Variants in GPHN observed in about 807,000 individuals in gnomAD.
The protein encoded by GPHN is gephyrin.
Under a neutral mutation model 95.5 loss-of-function variants are expected in GPHN, and 17 were observed. The observed-to-expected ratio is 0.18, with a 90% CI of 0.12 to 0.27. The LOEUF (loss-of-function observed/expected upper bound fraction) is 0.27, where lower values mean the gene tolerates loss of function less well. Among genes scored for constraint, GPHN ranks in the 10% least tolerant of loss-of-function variants. The probability of loss-of-function intolerance (pLI) is 1.00; values close to 1 mark genes in which losing one functional copy is unlikely to be tolerated. For synonymous variants in GPHN, 320 were observed against 322.5 expected, an observed-to-expected ratio of 0.99 and a Z score of 0.08; for missense variants, 660 against 978.1, an observed-to-expected ratio of 0.67 and a Z score of 4.34.
chr14:66,744,530 A>G (rs954048671), intron 2 of GPHN, among the ~76,000 whole-genome samples: 1 of 152,220 alleles, frequency 6.6e-6, no homozygotes. Context: ...TAGAGTAAAC[A>G]GTGAATTATC....
intron 4 of GPHN, among the ~76,000 whole-genome samples, chr14:66,825,115 A>G (rs1277332051): frequency 1.3e-5 from 2 of 152,186 alleles, no homozygotes; most frequent in Non-Finnish European, 2.9e-5. Context: ...AGCATCTTCA[A>G]CTATTTTATA....
At chr14:67,692,589 A>C in the GPHN span, 2 of 1,564,632 alleles carry the variant, frequency 1.3e-6, no homozygotes, top group African/African-American at 2.8e-5. Flanking sequence ...AATATACTCG[A>C]GCTCCTGTCA....
chr14:67,427,986 A>C, the GPHN span, among the ~76,000 whole-genome samples: 2 of 150,592 alleles, frequency 1.3e-5, no homozygotes, highest in African/African-American at 4.9e-5. Flanking sequence ...CAGTGGCACG[A>C]TTCTGGCTCA....
intron 9 of GPHN, among the ~76,000 whole-genome samples, chr14:67,021,467 G>A (rs570491948): frequency 1.3e-5 from 2 of 152,134 alleles, no homozygotes; most frequent in South Asian, 4.2e-4. Context: ...GTGCCACAAA[G>A]CAACACTTGG....
chr14:67,107,937 A>T (rs557448095), intron 13 of GPHN, among the ~76,000 whole-genome samples: 1 of 152,174 alleles, frequency 6.6e-6, no homozygotes, highest in African/African-American at 2.4e-5. Context: ...TGACTACATC[A>T]GCTCAGCCTG....
Position 67,070,329 on chromosome 14 carries a change from TTA to T in GPHN, c.1144+11558_1144+11559del, listed in dbSNP as rs953937472. On this transcript the variant is annotated intron_variant, in intron 11 of 22. Transcript: ENST00000478722. ...ATATATATATACATTTTAAATATTT[TTA>T]TATATATATATATACACACATATAT... 6.3e-5 allele frequency among the ~76,000 whole-genome samples: 7 copies of T among 110,874 alleles called. No individual in the cohort carries two copies. The East Asian group carries it at 8.6e-4, about 14-fold the overall frequency. The allele number at this position is 110,874 out of a possible 152,430, so 72.7% of individuals were successfully genotyped here.
chr14:66,775,762 C>T (rs753584364), intron 2 of GPHN, among the ~76,000 whole-genome samples: 1 of 152,116 alleles, frequency 6.6e-6, no homozygotes, highest in Non-Finnish European at 1.5e-5. Context: ...AGCTTAGTTG[C>T]TTTCTAAAAA....
intron 1 of GPHN, among the ~76,000 whole-genome samples, chr14:66,531,715 T>C (rs2058945974): frequency 6.6e-6 from 1 of 152,246 alleles, no homozygotes; most frequent in Admixed American, 6.5e-5. Flanking sequence ...TATCATGTAC[T>C]TTGCATGGTG....
At chr14:67,585,818 A>C in the GPHN span, 1 of 1,087,408 alleles carries the variant, frequency 9.2e-7, no homozygotes, top group Admixed American at 2.1e-5. Flanking sequence ...GTAGATATTC[A>C]AGATGGAGAT....
At chr14:67,220,433 C>T in the GPHN span, among the ~76,000 whole-genome samples, 1 of 150,986 alleles carries the variant, frequency 6.6e-6, no homozygotes, top group Non-Finnish European at 1.5e-5. Context: ...CAGAGAGAGA[C>T]CTTTTCTCAG....
chr14:67,700,928 G>A, the GPHN span, among the ~76,000 whole-genome samples: 8 of 149,540 alleles, frequency 5.3e-5, no homozygotes, highest in African/African-American at 1.7e-4. Context: ...GGAGGCTGAG[G>A]CAGGAGAATC....
chr14:67,168,796 T>C (rs2140054570), intron 20 of GPHN, 137 bp from the exon 21 acceptor site: 1 of 703,822 alleles, frequency 1.4e-6, no homozygotes, highest in Middle Eastern at 2.6e-4. Flanking sequence ...TCTGGTTGGA[T>C]TCAAGGTGAT....
At chr14:67,232,376 G>C in the GPHN span, among the ~76,000 whole-genome samples, 1 of 152,316 alleles carries the variant, frequency 6.6e-6, no homozygotes, top group South Asian at 2.1e-4. Context: ...CTAGCTAACA[G>C]GTATGTGAGT....
the GPHN span, among the ~76,000 whole-genome samples, chr14:67,482,543 C>T: frequency 1.3e-5 from 2 of 152,214 alleles, no homozygotes; most frequent in African/African-American, 2.4e-5. Flanking sequence ...CCCATCACTA[C>T]AGTTCCATGT....
chr14:66,791,780 TG>T (rs2059978730), intron 3 of GPHN, among the ~76,000 whole-genome samples: 1 of 152,226 alleles, frequency 6.6e-6, no homozygotes, highest in Non-Finnish European at 1.5e-5. Flanking sequence ...CTTCATGACC[TG>T]TATCTTGTGC....
At chr14:67,365,765 T>G in the GPHN span, among the ~76,000 whole-genome samples, 2 of 152,376 alleles carry the variant, frequency 1.3e-5, no homozygotes, top group East Asian at 3.9e-4. Flanking sequence ...TCAGTCACCT[T>G]GATTCAACTT....
chr14:67,297,142 C>T, the GPHN span, among the ~76,000 whole-genome samples: 38 of 152,320 alleles, frequency 2.5e-4, no homozygotes, highest in African/African-American at 9.1e-4. Context: ...CCAATAGCAT[C>T]TTCCCTAATG....
chr14:67,018,379 T>G (rs75386920), intron 9 of GPHN, among the ~76,000 whole-genome samples: 1,827 of 152,190 alleles, frequency 0.012, 18 homozygotes, highest in Non-Finnish European at 0.018. Flanking sequence ...TTTTAATGGC[T>G]GGTGTAATCT....
At position 67,058,409 on chromosome 14, in the gene GPHN, A is replaced by G. The variant is rs17103847; in HGVS notation, c.1007-240A>G. On this transcript the variant is annotated intron_variant, in intron 10 of 22. Coordinates refer to ENST00000478722, the MANE Select transcript of GPHN (RefSeq NM_020806.5). The stretch of plus-strand genomic sequence containing the variant: ...AAAACCCTTTGGGGTAGTGCCTTTA[A>G]GTCAGTTCATTGAACATGTCTGGAG... 3.1e-3 allele frequency among the ~76,000 whole-genome samples: 466 copies of G among 152,338 alleles called. 5 individuals carry two copies. Among genetic ancestry groups the G allele is most frequent in the African/African-American group, 0.011 (448 of 41,578 alleles).
Sources: gnomAD v4.1 joint callset for allele counts (sites outside exome capture counted in the v4.1 genomes callset) on GRCh38, gnomAD v4.1.1 for gene constraint, MANE v1.5 for transcripts, NCBI Gene and HGNC (gene_info 2026-07-23, HGNC 2026-07-21) for gene names.